PATL1: variants seen among roughly 807,000 people sequenced by gnomAD.
PATL1 encodes PAT1 homolog 1, processing body mRNA decay factor.
PATL1 carries 32 observed loss-of-function variants against 100.6 expected under a neutral mutation model. The ratio of observed to expected loss-of-function variants is 0.32; its 90% CI spans 0.24 to 0.43. The LOEUF (loss-of-function observed/expected upper bound fraction) is 0.43. Among genes scored for constraint, PATL1 ranks in the 20% least tolerant of loss-of-function variants. The pLI is 1.00. For synonymous variants in PATL1, 332 were observed against 330.0 expected (o/e 1.01, Z -0.07); for missense variants, 747 against 949.9 (o/e 0.79, Z 2.81).
In PATL1 at chr11:59,668,914, G is replaced by T; in HGVS notation, c.-19C>A. 1.6e-6 allele frequency: 1 copy of T among 631,516 alleles called. No individual in the cohort carries two copies. The highest frequency in any genetic ancestry group is 2.5e-6 in the Non-Finnish European group (1 of 405,722). 39.1% of individuals were successfully genotyped at this position (631,516 alleles called of 1,614,324 possible). A position where few individuals can be genotyped will look rare whatever the true frequency, so the allele number is the denominator to read the frequency against. ...GGAACATTCTTGGGGAGGGGGGCAGGGAGCGGGGAGGGGAGAGGGGGAGGG... is the reference window on the plus strand; with the variant it reads ...GGAACATTCTTGGGGAGGGGGGCAGTGAGCGGGGAGGGGAGAGGGGGAGGG... On this transcript the variant is annotated 5_prime_UTR_variant, in exon 1 of 19. Coordinates refer to ENST00000300146, the MANE Select transcript of PATL1 (RefSeq NM_152716.3).
At chr11:59,650,722 AAACT>A in intron 13 of PATL1, 28 bp downstream of exon 13, 2 of 1,474,666 alleles carry the variant, frequency 1.4e-6, no homozygotes, top group Non-Finnish European at 1.8e-6. Context: ...TCCGTATTTG[AAACT>A]AACTACAGCA....
intron 14 of PATL1, 68 bp downstream of exon 14, chr11:59,649,394 G>A (rs918529300): frequency 4.9e-5 from 76 of 1,547,932 alleles, no homozygotes; most frequent in African/African-American, 9.5e-5. Flanking sequence ...AGGCAAAAAT[G>A]TATGAAATCC....
intron 8 of PATL1, among the ~76,000 whole-genome samples, chr11:59,654,593 G>A (rs189186225): frequency 2.6e-4 from 39 of 151,948 alleles, no homozygotes; most frequent in Admixed American, 5.2e-4. Context: ...CTAAAAGGGT[G>A]ATCATGAAAT....
Position 59,649,590 on chromosome 11 carries a change from A to G in PATL1, c.1605T>C (p.Asp535=), listed in dbSNP as rs1861412422. The part of the protein sequence containing the change: ...IIEKTYSLLL[D]VEDYERRYLL... ...GATAACGTCTTTCATAGTCCTCCAC[A>G]TCAAGGAGTAAGCTGTAGGTCTAAG... The change falls in exon 14 of 19, where the codon GAT becomes GAC. Residue 535 remains aspartate (D), a synonymous_variant. Transcript: ENST00000300146. 5 of 1,613,086 alleles carry G rather than the reference A, an allele frequency of 3.1e-6. No individual in the cohort carries two copies. The highest frequency in any genetic ancestry group is 4.2e-6 in the Non-Finnish European group (5 of 1,179,500).
At chr11:59,639,561 T>A in intron 16 of PATL1, 178 bp from the exon 17 acceptor site, 1 of 572,970 alleles carries the variant, frequency 1.7e-6, no homozygotes, top group South Asian at 2.1e-5. Context: ...GCTATGTCTC[T>A]CTCCAGGCTT....
rs564899558 is a variant in PATL1 at position 59,642,579 on chromosome 11, C to T, written c.2049+301G>A. ...TCATGAATTCCACAGCCATCTTGGA[C>T]CATGAGGAATAATGAACATGGAAGC... is the stretch of plus-strand genomic sequence containing the variant. On this transcript the variant is annotated intron_variant, in intron 16 of 18. Transcript: ENST00000300146. 29 of 225,448 alleles carry T rather than the reference C, an allele frequency of 1.3e-4. No homozygotes were observed. In the South Asian group the frequency reaches 3.1e-3, roughly 24 times the overall value. 14.0% of individuals were successfully genotyped at this position (225,448 alleles called of 1,614,324 possible). A position where few individuals can be genotyped will look rare whatever the true frequency, so the allele number is the denominator to read the frequency against.
chr11:59,647,994 A>C, intron 14 of PATL1, 81 bp from the exon 15 acceptor site: 2 of 1,239,418 alleles, frequency 1.6e-6, no homozygotes, highest in Non-Finnish European at 2.2e-6. Flanking sequence ...ATGTTACTGA[A>C]TGAATATACT....
At chr11:59,645,942 A>G (rs939039056) in intron 15 of PATL1, among the ~76,000 whole-genome samples, 1 of 152,220 alleles carries the variant, frequency 6.6e-6, no homozygotes, top group Non-Finnish European at 1.5e-5. Flanking sequence ...TCCTTAAAAC[A>G]TACAGGTAAA....
chr11:59,668,826 G>A (rs1385713001), intron 1 of PATL1, 55 bp downstream of exon 1: 2 of 1,077,094 alleles, frequency 1.9e-6, no homozygotes, highest in East Asian at 3.2e-5. Flanking sequence ...GAGAGAGAGT[G>A]AGGGAGAGGG....
intron 2 of PATL1, among the ~76,000 whole-genome samples, chr11:59,663,607 G>A (rs1861653495): frequency 6.6e-6 from 1 of 152,112 alleles, no homozygotes; most frequent in Admixed American, 6.5e-5. Context: ...TATTTAGAAT[G>A]GTGCCTAGCA....
chr11:59,647,030 G>C (rs1861374300), intron 15 of PATL1, among the ~76,000 whole-genome samples: 1 of 151,930 alleles, frequency 6.6e-6, no homozygotes. Flanking sequence ...GACCAGCCTG[G>C]GCAATGTGGC....
At chr11:59,658,011 A>G (rs78260716) in intron 4 of PATL1, among the ~76,000 whole-genome samples, 11,750 of 151,832 alleles carry the variant, frequency 0.077, 998 homozygotes, top group African/African-American at 0.19. Context: ...AAAAATAAAA[A>G]AACTAAGCCA....
At chr11:59,656,759 C>T (rs1360322792) in intron 5 of PATL1, among the ~76,000 whole-genome samples, 159 bp from the exon 6 acceptor site, 1 of 152,176 alleles carries the variant, frequency 6.6e-6, no homozygotes, top group Non-Finnish European at 1.5e-5. Context: ...GAACCTTGGG[C>T]CACTTTCTCT....
At chr11:59,641,032 T>G (rs563782745) in intron 16 of PATL1, among the ~76,000 whole-genome samples, 11 of 151,814 alleles carry the variant, frequency 7.2e-5, no homozygotes, top group Non-Finnish European at 1.5e-4. Flanking sequence ...ATTAGCCTGG[T>G]ATGGTGGCGG....
intron 2 of PATL1, among the ~76,000 whole-genome samples, chr11:59,665,974 A>G (rs1861682393): frequency 6.6e-6 from 1 of 151,956 alleles, no homozygotes; most frequent in African/African-American, 2.4e-5. Flanking sequence ...CAGTTTTTAA[A>G]CTTTTTCCAA....
At chr11:59,652,355 T>C in intron 11 of PATL1, 109 bp downstream of exon 11, 1 of 1,418,116 alleles carries the variant, frequency 7.1e-7, no homozygotes. Flanking sequence ...TAAAATCACT[T>C]TGAAACATCT....
Position 59,643,041 on chromosome 11 carries a change from A to G in PATL1, c.1894-6T>C. 2 of 1,613,368 alleles carry G rather than the reference A, an allele frequency of 1.2e-6. No individual in the cohort carries two copies. Among genetic ancestry groups the G allele is most frequent in the Non-Finnish European group, 1.7e-6 (2 of 1,179,572 alleles). ...CTCAGTAAGCATGGCAGCACCTACA[A>G]AAAACAAATAAAAGCATTATATCCT... On this transcript the variant is annotated splice_polypyrimidine_tract_variant and splice_region_variant and intron_variant, in intron 15 of 18. Coordinates refer to ENST00000300146, the MANE Select transcript of PATL1 (RefSeq NM_152716.3).
At chr11:59,667,861 C>A (rs1386661152) in intron 1 of PATL1, among the ~76,000 whole-genome samples, 1 of 152,212 alleles carries the variant, frequency 6.6e-6, no homozygotes, top group Non-Finnish European at 1.5e-5. Context: ...GGTCTTAGAT[C>A]ATTCCTATCA....
At chr11:59,648,185 C>CTTT (rs887689437) in intron 14 of PATL1, among the ~76,000 whole-genome samples, 16 of 130,460 alleles carry the variant, frequency 1.2e-4, no homozygotes, top group African/African-American at 2.6e-4. Flanking sequence ...AACTTTTTTT[C>CTTT]TTTTTTTTTT....
Sources: allele counts gnomAD v4.1 joint callset (sites outside exome capture counted in the v4.1 genomes callset), GRCh38; gene constraint gnomAD v4.1.1; transcripts MANE v1.5; gene names NCBI Gene and HGNC (gene_info 2026-07-23, HGNC 2026-07-21).